The following INSC variants were observed in gnomAD, a reference collection of about 807,000 sequenced individuals.
INSC encodes the protein INSC spindle orientation adaptor protein.
A neutral mutation model predicts 58.6 loss-of-function variants in INSC; 67 were observed. That is an observed-to-expected ratio of 1.14 (90% CI 0.94 to 1.40). The LOEUF (loss-of-function observed/expected upper bound fraction) is 1.40. Ranked by LOEUF, INSC falls within the 40% of genes most tolerant of loss-of-function variation. INSC has a pLI of 0.00. For missense variants in INSC, 714 were observed against 692.0 expected, an observed-to-expected ratio of 1.03 and a Z score of -0.36; for synonymous variants, 262 against 276.1, an observed-to-expected ratio of 0.95 and a Z score of 0.51.
At chr11:15,183,135 G>A (rs1429498874) in intron 5 of INSC, among the ~76,000 whole-genome samples, 1 of 152,048 alleles carries the variant, frequency 6.6e-6, no homozygotes, top group Admixed American at 6.5e-5. Flanking sequence ...ATCACCTGAG[G>A]TTGGGAGCTC....
chr11:15,201,696 G>C (rs1850599769), intron 7 of INSC, among the ~76,000 whole-genome samples: 1 of 152,174 alleles, frequency 6.6e-6, no homozygotes, highest in South Asian at 2.1e-4. Context: ...CTGAAATCTG[G>C]GGTTTCCCAA....
Position 15,246,129 on chromosome 11 carries a change from C to T in INSC, c.*89C>T. 7.2e-7 allele frequency: 1 copy of T among 1,383,038 alleles called. No homozygotes were observed. Among genetic ancestry groups the T allele is most frequent in the South Asian group, 1.4e-5 (1 of 69,518 alleles). 85.7% of individuals were successfully genotyped at this position (1,383,038 alleles called of 1,614,324 possible). Reference sequence around the variant, plus strand: ...CACATCTGAGTACATACCAGCTCTCCTCATCTTCTTATTTATACTTAACTT... The same window carrying T: ...CACATCTGAGTACATACCAGCTCTCTTCATCTTCTTATTTATACTTAACTT... On this transcript the variant is annotated 3_prime_UTR_variant, in exon 13 of 13. Coordinates refer to ENST00000379556, the MANE Select transcript of INSC (RefSeq NM_001042536.3).
chr11:15,134,459 A>G (rs1330228369), intron 1 of INSC, among the ~76,000 whole-genome samples: 1 of 152,208 alleles, frequency 6.6e-6, no homozygotes, highest in Admixed American at 6.5e-5. Context: ...TTAGTCTCAG[A>G]ATTGATAGGA....
At chr11:15,255,226 G>A in the INSC span, among the ~76,000 whole-genome samples, 856 of 151,748 alleles carry the variant, frequency 5.6e-3, 8 homozygotes, top group African/African-American at 0.02. Context: ...AAAATACTTC[G>A]GCAAATTCCA....
chr11:15,165,000 C>T (rs1849146867), intron 2 of INSC, among the ~76,000 whole-genome samples: 1 of 152,168 alleles, frequency 6.6e-6, no homozygotes, highest in African/African-American at 2.4e-5. Context: ...TTATAAATTA[C>T]CCAGGCTCAG....
At chr11:15,187,731 C>G (rs901183464) in intron 5 of INSC, among the ~76,000 whole-genome samples, 5 of 152,054 alleles carry the variant, frequency 3.3e-5, no homozygotes, top group African/African-American at 1.2e-4. Context: ...TTCATATCTG[C>G]CTAGTATGCA....
downstream of INSC, among the ~76,000 whole-genome samples, chr11:15,252,105 C>A (rs1590025741): frequency 6.6e-6 from 1 of 152,088 alleles, no homozygotes. Flanking sequence ...ACACATTATG[C>A]TAAGTGAAAG....
chr11:15,238,292 C>A (rs926694697), intron 10 of INSC, among the ~76,000 whole-genome samples: 2 of 152,100 alleles, frequency 1.3e-5, no homozygotes, highest in East Asian at 1.9e-4. Flanking sequence ...CTACTGCACC[C>A]TTTTCCAGGT....
the INSC span, among the ~76,000 whole-genome samples, chr11:15,267,945 G>A: frequency 5.3e-5 from 8 of 151,918 alleles, no homozygotes; most frequent in African/African-American, 1.9e-4. Flanking sequence ...TCTCTGTGCA[G>A]CTCTCTCATC....
chr11:15,133,189 A>AT (rs1848164513), intron 1 of INSC, among the ~76,000 whole-genome samples: 1 of 151,454 alleles, frequency 6.6e-6, no homozygotes, highest in Non-Finnish European at 1.5e-5. Flanking sequence ...GTTCTCTCGT[A>AT]TTTTTTCTCT....
intron 12 of INSC, among the ~76,000 whole-genome samples, chr11:15,242,667 T>C (rs566913264): frequency 2.8e-4 from 43 of 152,312 alleles, no homozygotes; most frequent in Non-Finnish European, 4.9e-4. Flanking sequence ...ATGTTTTCTC[T>C]GTAAATCTGT....
intron 2 of INSC, among the ~76,000 whole-genome samples, chr11:15,163,592 A>C (rs2133791279): frequency 6.6e-6 from 1 of 151,870 alleles, no homozygotes; most frequent in Admixed American, 6.6e-5. Context: ...TATTTTACTT[A>C]TGTATTTATT....
chr11:15,225,581 G>T, intron 8 of INSC, 69 bp from the exon 9 acceptor site: 1 of 1,482,452 alleles, frequency 6.7e-7, no homozygotes, highest in South Asian at 1.3e-5. Flanking sequence ...GGTATTGTGT[G>T]AACCAAATGA....
chr11:15,171,949 G>A (rs552450863), intron 2 of INSC, among the ~76,000 whole-genome samples: 34 of 152,304 alleles, frequency 2.2e-4, no homozygotes, highest in Middle Eastern at 6.8e-3. Context: ...GTTTCCAGGG[G>A]CATTTTAACA....
At chr11:15,169,889 G>A (rs1849335553) in intron 2 of INSC, among the ~76,000 whole-genome samples, 1 of 152,120 alleles carries the variant, frequency 6.6e-6, no homozygotes, top group African/African-American at 2.4e-5. Context: ...ACAACTAAGG[G>A]ACCAGCATTG....
intron 5 of INSC, among the ~76,000 whole-genome samples, chr11:15,181,426 C>T (rs1387026042): frequency 6.6e-6 from 1 of 152,124 alleles, no homozygotes; most frequent in East Asian, 1.9e-4. Flanking sequence ...ACCCCCTTCA[C>T]CCCAGTATTA....
intron 2 of INSC, among the ~76,000 whole-genome samples, chr11:15,164,141 AT>A (rs5789862): frequency 0.41 from 62,703 of 151,378 alleles, 13,942 homozygotes; most frequent in East Asian, 0.85. Flanking sequence ...TTAAGAGTAC[AT>A]TTTTTTTCTG....
intron 8 of INSC, among the ~76,000 whole-genome samples, chr11:15,224,853 T>C (rs550049494): frequency 6.6e-6 from 1 of 152,220 alleles, no homozygotes; most frequent in African/African-American, 2.4e-5. Context: ...CTAGGACCAC[T>C]AGGATTAAAG....
chr11:15,157,970 C>T (rs1216076009), intron 2 of INSC, among the ~76,000 whole-genome samples: 1 of 152,170 alleles, frequency 6.6e-6, no homozygotes, highest in African/African-American at 2.4e-5. Flanking sequence ...TGTTTCCTAT[C>T]TCAGCGAGGG....
Sources: allele counts gnomAD v4.1 joint callset (sites outside exome capture counted in the v4.1 genomes callset), GRCh38; gene constraint gnomAD v4.1.1; transcripts MANE v1.5; gene names NCBI Gene and HGNC (gene_info 2026-07-23, HGNC 2026-07-21).